RARS2: variants seen among roughly 807,000 people sequenced by gnomAD.
The protein encoded by RARS2 is probable arginine--tRNA ligase, mitochondrial.
Under a neutral mutation model 88.5 loss-of-function variants are expected in RARS2, and 67 were observed. The ratio of observed to expected loss-of-function variants is 0.76; its 90% CI spans 0.62 to 0.93. The LOEUF is 0.93. Ranked by LOEUF, RARS2 falls within the 40% of genes least tolerant of loss-of-function variation. The pLI is 0.00. For synonymous variants in RARS2, 239 were observed against 230.3 expected, an observed-to-expected ratio of 1.04 and a Z score of -0.34; for missense variants, 664 against 684.2, an observed-to-expected ratio of 0.97 and a Z score of 0.33.
intron 11 of RARS2, among the ~76,000 whole-genome samples, chr6:87,523,064 T>C (rs1393322436): frequency 1.3e-5 from 2 of 152,170 alleles, no homozygotes; most frequent in Admixed American, 6.5e-5. Flanking sequence ...TTTTAAAATG[T>C]TGAGAAACAG....
intron 15 of RARS2, 35 bp from the exon 16 acceptor site, chr6:87,518,774 T>C: frequency 6.2e-7 from 1 of 1,612,466 alleles, no homozygotes; most frequent in African/African-American, 1.3e-5. Flanking sequence ...CTGCTGGGAT[T>C]TGCTCTAGTA....
intron 7 of RARS2, among the ~76,000 whole-genome samples, chr6:87,544,391 T>A (rs918458027): frequency 6.6e-6 from 1 of 152,192 alleles, no homozygotes; most frequent in Non-Finnish European, 1.5e-5. Context: ...ACTGTAGATA[T>A]AAAAGTTAAG....
rs990070255 is a variant in RARS2 at position 87,548,603 on chromosome 6, A to C, written c.439T>G (p.Ser147Ala). The change falls in exon 6 of 20, where the codon TCT becomes GCT. Residue 147 changes from serine to alanine, a missense_variant. Coordinates refer to ENST00000369536, the MANE Select transcript of RARS2 (RefSeq NM_020320.5). ...ACTAAACACTTACCTATGATGGTAG[A>C]ACGCAAATGTCCAACATGAAATTTT... ...AKKFHVGHLR[S>A]TIIGNFIANL... The C allele has an allele frequency of 1.1e-5, 18 of 1,613,230 alleles. No individual in the cohort carries two copies. The highest frequency in any genetic ancestry group is 1.5e-5 in the Non-Finnish European group (18 of 1,179,614).
At chr6:87,573,961 C>T (rs1770615746) in intron 1 of RARS2, among the ~76,000 whole-genome samples, 2 of 152,206 alleles carry the variant, frequency 1.3e-5, no homozygotes, top group South Asian at 4.1e-4. Flanking sequence ...CTAACTCAGT[C>T]CTCATGTATC....
intron 5 of RARS2, 112 bp from the exon 6 acceptor site, chr6:87,548,758 A>T: frequency 4.2e-6 from 4 of 947,480 alleles, no homozygotes; most frequent in Non-Finnish European, 6.4e-6. Flanking sequence ...CTTTGGTATT[A>T]GGGCAAAGAT....
At chr6:87,583,699 G>A (rs572658424) in intron 1 of RARS2, among the ~76,000 whole-genome samples, 8 of 152,076 alleles carry the variant, frequency 5.3e-5, no homozygotes, top group South Asian at 2.1e-4. Context: ...AGCCAGACAC[G>A]TACTGGCCAT....
intron 7 of RARS2, among the ~76,000 whole-genome samples, chr6:87,544,381 A>T (rs1186114244): frequency 6.6e-6 from 1 of 152,208 alleles, no homozygotes; most frequent in Non-Finnish European, 1.5e-5. Context: ...TGTGACAAGC[A>T]CTGTAGATAT....
chr6:87,588,642 T>C (rs1775928601), intron 1 of RARS2, among the ~76,000 whole-genome samples: 1 of 152,226 alleles, frequency 6.6e-6, no homozygotes, highest in African/African-American at 2.4e-5. Flanking sequence ...CCCAAAGTGC[T>C]GGGATTATAG....
Position 87,584,599 on chromosome 6 carries a change from T to A in RARS2, c.36+5323A>T, listed in dbSNP as rs1269656872. ...AGTTACACAAATAGTGAAGCTAGAA[T>A]TCTAATCCTTCCCACCATTATTAAG... On this transcript the variant is annotated intron_variant, in intron 1 of 19. Coordinates refer to ENST00000369536, the MANE Select transcript of RARS2 (RefSeq NM_020320.5). 1.1e-5 allele frequency: 4 copies of A among 360,636 alleles called. 1 individual carries two copies. Among genetic ancestry groups the A allele is most frequent in the South Asian group, 8.1e-5 (4 of 49,288 alleles). 22.3% of individuals were successfully genotyped at this position (360,636 alleles called of 1,614,324 possible).
At chr6:87,532,684 T>A (rs1198902453) in intron 8 of RARS2, among the ~76,000 whole-genome samples, 1 of 152,178 alleles carries the variant, frequency 6.6e-6, no homozygotes, top group Non-Finnish European at 1.5e-5. Context: ...TTCACTGTAA[T>A]AAATCATAGC....
chr6:87,582,574 T>C (rs1773941187), intron 1 of RARS2, among the ~76,000 whole-genome samples: 1 of 152,218 alleles, frequency 6.6e-6, no homozygotes. Context: ...TTTTTTGCTA[T>C]AGTATGGTTA....
intron 10 of RARS2, among the ~76,000 whole-genome samples, chr6:87,528,841 C>T (rs1776564347): frequency 6.6e-6 from 1 of 152,132 alleles, no homozygotes; most frequent in African/African-American, 2.4e-5. Context: ...ATGCATAGTA[C>T]ACTTGAAAAC....
intron 8 of RARS2, among the ~76,000 whole-genome samples, chr6:87,536,561 C>T (rs528363848): frequency 2.0e-3 from 298 of 150,746 alleles, no homozygotes; most frequent in African/African-American, 7.1e-3. Flanking sequence ...CATTTGAACC[C>T]GGGAGGCAGA....
intron 3 of RARS2, 80 bp from the exon 4 acceptor site, chr6:87,562,865 CT>C: frequency 9.1e-7 from 1 of 1,093,416 alleles, no homozygotes; most frequent in Non-Finnish European, 1.4e-6. Flanking sequence ...CTATTTTTGG[CT>C]TACAAAGACA....
rs1772664959 is a variant in RARS2, at chr6:87,518,681, C to G, written c.1364G>C (p.Ser455Thr). 6.2e-7 allele frequency: 1 copy of G among 1,613,932 alleles called. No homozygotes were observed. Among genetic ancestry groups the G allele is most frequent in the Non-Finnish European group, 8.5e-7 (1 of 1,179,980 alleles). ...TAGGAAGACTCCTGTGTCCCCGCGA[C>G]TCTGGAAAACACGATCCCAGCTGAA... ...YKFSWDRVFQ[S>T]RGDTGVFLQY... The change falls in exon 16 of 20, where the codon AGT (serine) becomes ACT (threonine). Residue 455 changes from serine (S) to threonine (T), a missense_variant. Ser to Thr is a moderately conservative substitution (Grantham distance 58). Transcript: ENST00000369536.
rs550661583 is a variant in RARS2, at chr6:87,526,478, T to C, written c.879-1826A>G. Among the ~76,000 whole-genome samples, 6 of 150,986 alleles carry C rather than the reference T, an allele frequency of 4.0e-5. No individual in the cohort carries two copies. In the East Asian group the frequency reaches 5.9e-4, roughly 15 times the overall value. On this transcript the variant is annotated intron_variant, in intron 10 of 19. Transcript: ENST00000369536. The stretch of plus-strand genomic sequence containing the variant: ...TTGTAGTGAGCCAAGAAAGCACCAA[T>C]GCACTACAGCCTGGATAACAAAGCC...
Position 87,562,718 on chromosome 6 carries a change from CTGTT to C in RARS2, c.277_280del (p.Asn93GlufsTer4), listed in dbSNP as rs1326705217. On this transcript the variant is annotated frameshift_variant, in exon 4 of 20. Transcript: ENST00000369536. LOFTEE classifies it high-confidence loss of function. ...TATTCTTACCTTTGTTAAGAGCTCT[CTGTT>C]TATTTTGAAATTTACAGTCCTTTGA... The C allele has an allele frequency of 3.1e-6, 5 of 1,610,346 alleles. No homozygotes were observed. The African/African-American group carries it at 6.7e-5, about 22-fold the overall frequency.
chr6:87,588,398 C>T (rs930501390), intron 1 of RARS2, among the ~76,000 whole-genome samples: 8 of 152,080 alleles, frequency 5.3e-5, no homozygotes, highest in South Asian at 2.1e-4. Context: ...TACAGGGTCT[C>T]GCTCTGTCAC....
At chr6:87,545,088 A>G (rs555881100) in intron 7 of RARS2, among the ~76,000 whole-genome samples, 7 of 152,334 alleles carry the variant, frequency 4.6e-5, no homozygotes, top group Non-Finnish European at 7.4e-5. Flanking sequence ...AAAAGCCTAC[A>G]TCAGGTCTTA....
Sources: gnomAD v4.1 joint callset for allele counts (sites outside exome capture counted in the v4.1 genomes callset) on GRCh38, gnomAD v4.1.1 for gene constraint, MANE v1.5 for transcripts, NCBI Gene and HGNC (gene_info 2026-07-23, HGNC 2026-07-21) for gene names.